The following FABP6 variants were observed in gnomAD, a reference collection of about 807,000 sequenced individuals.
FABP6 encodes the protein fatty acid binding protein 6.
In FABP6, 13 loss-of-function variants were observed where a neutral mutation model predicts 14.9. The observed-to-expected ratio is 0.87, with a 90% CI of 0.57 to 1.39. FABP6 has a LOEUF of 1.39. FABP6 is among the 40% of genes most tolerant of loss of function. The pLI is 0.00. For synonymous variants in FABP6, 75 were observed against 63.6 expected, an observed-to-expected ratio of 1.18 and a Z score of -0.85; for missense variants, 161 against 167.2, an observed-to-expected ratio of 0.96 and a Z score of 0.20.
upstream of FABP6, among the ~76,000 whole-genome samples, chr5:160,229,100 A>G (rs1187166370): frequency 6.6e-6 from 1 of 152,134 alleles, no homozygotes; most frequent in African/African-American, 2.4e-5. Flanking sequence ...GACTAAACCA[A>G]AGGCTCTTTT....
chr5:160,194,811 C>T (rs1256087386), intron 1 of FABP6, among the ~76,000 whole-genome samples: 1 of 152,178 alleles, frequency 6.6e-6, no homozygotes, highest in East Asian at 1.9e-4. Flanking sequence ...GGCCGGTTTC[C>T]CTGCCTATAC....
At position 160,223,361 on chromosome 5, in the gene FABP6, C is replaced by CCG; in HGVS notation, c.136-6185_136-6184insCG. Among the ~76,000 whole-genome samples the CCG allele has an allele frequency of 7.4e-5, 6 of 81,150 alleles. No homozygotes were observed. The East Asian group carries it at 3.1e-3, about 41-fold the overall frequency. The allele number at this position is 81,150 out of a possible 152,430, so 53.2% of individuals were successfully genotyped here. ...TCCTTCCTTCCTTCCTTCCTTCCTT[C>CCG]TTTCCCTCCCTCCCTCCCTCCCTCT... On this transcript the variant is annotated intron_variant, in intron 3 of 6. Transcript: ENST00000393980.
At chr5:160,210,383 C>T (rs554380000) in intron 2 of FABP6, among the ~76,000 whole-genome samples, 15 of 152,314 alleles carry the variant, frequency 9.8e-5, no homozygotes, top group African/African-American at 3.6e-4. Context: ...TGACTGCTCT[C>T]TGAACTGTGG....
intron 2 of FABP6, among the ~76,000 whole-genome samples, chr5:160,210,437 G>A (rs1486715075): frequency 1.3e-5 from 2 of 152,196 alleles, no homozygotes; most frequent in African/African-American, 4.8e-5. Flanking sequence ...AAACATGAAG[G>A]AATCTATCCC....
intron 1 of FABP6, among the ~76,000 whole-genome samples, chr5:160,193,037 G>C (rs1759429399): frequency 6.6e-6 from 1 of 152,238 alleles, no homozygotes; most frequent in Non-Finnish European, 1.5e-5. Flanking sequence ...CTTAAGCCTG[G>C]GAGATTGTGT....
intron 3 of FABP6, among the ~76,000 whole-genome samples, chr5:160,214,143 C>CTT (rs1491313084): frequency 7.1e-6 from 1 of 141,328 alleles, no homozygotes; most frequent in African/African-American, 2.7e-5. Context: ...TTCTTTCTTT[C>CTT]TTTCTTTCTT....
chr5:160,198,517 C>G (rs1201087059), intron 1 of FABP6: 1 of 152,500 alleles, frequency 6.6e-6, no homozygotes, highest in Non-Finnish European at 1.5e-5. Flanking sequence ...TAAATTGGAT[C>G]GTGCCATCCC....
upstream of FABP6, among the ~76,000 whole-genome samples, chr5:160,226,635 C>T (rs1240709912): frequency 6.6e-6 from 1 of 152,034 alleles, no homozygotes; most frequent in South Asian, 2.1e-4. Flanking sequence ...CTGTTTGCTC[C>T]TAGGTGAAAT....
At chr5:160,231,226 A>G (rs1039540612) in intron 1 of FABP6, among the ~76,000 whole-genome samples, 2 of 152,164 alleles carry the variant, frequency 1.3e-5, no homozygotes, top group Non-Finnish European at 2.9e-5. Flanking sequence ...AGGAGCAATG[A>G]CTTGGCTTCA....
intron 3 of FABP6, among the ~76,000 whole-genome samples, chr5:160,222,117 A>G (rs1324607652): frequency 7.4e-6 from 1 of 134,690 alleles, no homozygotes; most frequent in Non-Finnish European, 1.6e-5. Context: ...TTTTTTAGAC[A>G]GGGTCTTTCT....
At chr5:160,231,974 C>A in intron 1 of FABP6, 124 bp from the exon 2 acceptor site, 1 of 1,118,240 alleles carries the variant, frequency 8.9e-7, no homozygotes, top group Non-Finnish European at 1.3e-6. Flanking sequence ...GTGCTCTTAA[C>A]CTGCAGGCTA....
At chr5:160,233,742 C>T (rs754380649) in intron 2 of FABP6, among the ~76,000 whole-genome samples, 22 of 151,776 alleles carry the variant, frequency 1.4e-4, no homozygotes, top group African/African-American at 2.2e-4. Flanking sequence ...GCGTGGTGGC[C>T]GGTGCCTGTA....
At chr5:160,189,370 T>C (rs1270675217) in intron 1 of FABP6, among the ~76,000 whole-genome samples, 1 of 152,106 alleles carries the variant, frequency 6.6e-6, no homozygotes, top group East Asian at 1.9e-4. Context: ...GCCTCCCTAG[T>C]AGCTGGGATT....
chr5:160,201,351 C>T (rs1015685555), intron 2 of FABP6, among the ~76,000 whole-genome samples: 29 of 137,074 alleles, frequency 2.1e-4, no homozygotes, highest in Admixed American at 1.8e-3. Flanking sequence ...AAGCGAGACC[C>T]TGTCTCAAAT....
At chr5:160,188,707 G>A (rs573127544) in intron 1 of FABP6, among the ~76,000 whole-genome samples, 1 of 152,364 alleles carries the variant, frequency 6.6e-6, no homozygotes, top group South Asian at 2.1e-4. Context: ...GCCACGTGCT[G>A]GGTGGCCTTG....
intron 1 of FABP6, chr5:160,198,335 C>A: frequency 6.6e-6 from 1 of 152,572 alleles, no homozygotes; most frequent in East Asian, 1.9e-4. Flanking sequence ...AATCCCCCAG[C>A]AGGTTTGCCT....
chr5:160,210,357 T>A (rs974069900), intron 2 of FABP6, among the ~76,000 whole-genome samples: 6 of 152,144 alleles, frequency 3.9e-5, no homozygotes, highest in Non-Finnish European at 8.8e-5. Context: ...GATCATCAGA[T>A]GAGATAACCT....
At chr5:160,234,187 T>C (rs1358311948) in intron 2 of FABP6, among the ~76,000 whole-genome samples, 3 of 152,098 alleles carry the variant, frequency 2.0e-5, no homozygotes, top group Admixed American at 1.3e-4. Flanking sequence ...CCTCCACTGA[T>C]AGAAAAATGT....
chr5:160,230,191 CTT>C (rs1419463004), intron 1 of FABP6, among the ~76,000 whole-genome samples: 1 of 151,750 alleles, frequency 6.6e-6, no homozygotes, highest in Non-Finnish European at 1.5e-5. Context: ...CATAGACACT[CTT>C]TGACTTTAAA....
Sources: gnomAD v4.1 joint callset for allele counts (sites outside exome capture counted in the v4.1 genomes callset) on GRCh38, gnomAD v4.1.1 for gene constraint, MANE v1.5 for transcripts, NCBI Gene and HGNC (gene_info 2026-07-23, HGNC 2026-07-21) for gene names.